The following MACROD2 variants were observed in gnomAD, a reference collection of about 807,000 sequenced individuals.
MACROD2 encodes ADP-ribose glycohydrolase MACROD2.
MACROD2 carries 36 observed loss-of-function variants against 70.4 expected under a neutral mutation model. The observed-to-expected ratio is 0.51, with a 90% CI of 0.39 to 0.68. The LOEUF (loss-of-function observed/expected upper bound fraction) is 0.68, where lower values mean the gene tolerates loss of function less well. MACROD2 is among the 30% of genes least tolerant of loss of function. The pLI, the probability that MACROD2 is intolerant of heterozygous loss-of-function variation, is 0.00. For missense variants in MACROD2, 496 were observed against 538.4 expected, an observed-to-expected ratio of 0.92 and a Z score of 0.78; for synonymous variants, 172 against 178.8, an observed-to-expected ratio of 0.96 and a Z score of 0.30.
chr20:15,121,773 A>G (rs2076032881), intron 5 of MACROD2, among the ~76,000 whole-genome samples: 1 of 152,174 alleles, frequency 6.6e-6, no homozygotes, highest in Non-Finnish European at 1.5e-5. Context: ...GGAGTTGAAC[A>G]TGTTTGGCAT....
chr20:14,473,079 C>A (rs190908574), intron 3 of MACROD2, among the ~76,000 whole-genome samples: 1,689 of 151,966 alleles, frequency 0.011, 19 homozygotes, highest in Non-Finnish European at 0.017. Flanking sequence ...TGGAGTAGAA[C>A]GTGATGTTTC....
intron 10 of MACROD2, among the ~76,000 whole-genome samples, chr20:15,905,556 A>T (rs181595915): frequency 1.3e-5 from 2 of 152,184 alleles, no homozygotes; most frequent in Non-Finnish European, 2.9e-5. Flanking sequence ...CATTAGAGTG[A>T]TTGTTTTCAA....
intron 3 of MACROD2, among the ~76,000 whole-genome samples, chr20:14,157,806 T>C (rs1347008268): frequency 6.6e-6 from 1 of 152,190 alleles, no homozygotes; most frequent in Non-Finnish European, 1.5e-5. Flanking sequence ...ATAGCCACAT[T>C]TTCTTTATCC....
chr20:14,641,591 G>T (rs1985093904), intron 4 of MACROD2, among the ~76,000 whole-genome samples: 2 of 152,120 alleles, frequency 1.3e-5, no homozygotes, highest in Admixed American at 1.3e-4. Flanking sequence ...TGATTGATGG[G>T]CTACAGAATG....
At chr20:15,202,816 T>C (rs1309108054) in intron 5 of MACROD2, among the ~76,000 whole-genome samples, 1 of 152,154 alleles carries the variant, frequency 6.6e-6, no homozygotes, top group Non-Finnish European at 1.5e-5. Flanking sequence ...TATGTCAGTG[T>C]AGACAGAAAG....
intron 3 of MACROD2, among the ~76,000 whole-genome samples, chr20:14,169,152 T>C (rs1455964254): frequency 6.6e-6 from 1 of 152,260 alleles, no homozygotes; most frequent in East Asian, 1.9e-4. Context: ...CAAAATCCAG[T>C]ATCCCTTTAT....
At chr20:14,853,982 G>T (rs1037215837) in intron 5 of MACROD2, among the ~76,000 whole-genome samples, 7 of 152,056 alleles carry the variant, frequency 4.6e-5, no homozygotes, top group African/African-American at 1.7e-4. Flanking sequence ...GTCTGTTAAG[G>T]CAGGTGGGCA....
At chr20:15,051,607 C>T (rs442294) in intron 5 of MACROD2, among the ~76,000 whole-genome samples, 1 of 151,920 alleles carries the variant, frequency 6.6e-6, no homozygotes, top group South Asian at 2.1e-4. Context: ...CAAGTATAAT[C>T]TCCTCCACTT....
intron 8 of MACROD2, among the ~76,000 whole-genome samples, chr20:15,632,859 C>T (rs1350132228): frequency 6.6e-6 from 1 of 150,906 alleles, no homozygotes; most frequent in Non-Finnish European, 1.5e-5. Context: ...CTCTCTTTTC[C>T]TCCTTCCTTT....
chr20:15,585,546 A>G (rs1167883034), intron 8 of MACROD2, among the ~76,000 whole-genome samples: 1 of 152,114 alleles, frequency 6.6e-6, no homozygotes, highest in Non-Finnish European at 1.5e-5. Flanking sequence ...CACAGTGCTC[A>G]GGAATTAACT....
Position 15,463,961 on chromosome 20 carries a change from T to C in MACROD2, c.571+32526T>C, listed in dbSNP as rs942326706. ...GATTGAAGTATCCTAGTCCCTTCTA[T>C]GATTTTAGCCATTCGATGAAGGATC... On this transcript the variant is annotated intron_variant, in intron 7 of 17. Coordinates refer to ENST00000684519, the MANE Select transcript of MACROD2 (RefSeq NM_001351661.2). Among the ~76,000 whole-genome samples the C allele has an allele frequency of 2.6e-5, 4 of 152,170 alleles. No individual in the cohort carries two copies. In the East Asian group the frequency reaches 7.7e-4, roughly 29 times the overall value.
chr20:14,760,506 A>G (rs529607802), intron 5 of MACROD2, among the ~76,000 whole-genome samples: 1 of 152,214 alleles, frequency 6.6e-6, no homozygotes, highest in Admixed American at 6.5e-5. Context: ...ACTATTTATT[A>G]TTACTGAACA....
intron 5 of MACROD2, among the ~76,000 whole-genome samples, chr20:15,155,278 A>G (rs1231754156): frequency 6.6e-6 from 1 of 152,120 alleles, no homozygotes; most frequent in Non-Finnish European, 1.5e-5. Flanking sequence ...TCAAACTCAC[A>G]TAGACTTTAG....
chr20:14,618,521 C>T (rs1983614329), intron 4 of MACROD2, among the ~76,000 whole-genome samples: 1 of 152,154 alleles, frequency 6.6e-6, no homozygotes, highest in Non-Finnish European at 1.5e-5. Flanking sequence ...ATTGTTGGCA[C>T]TCAATCTGTG....
chr20:14,893,156 T>C, intron 5 of MACROD2: 1 of 152,178 alleles, frequency 6.6e-6, no homozygotes, highest in Non-Finnish European at 1.5e-5. Context: ...ATAATATATC[T>C]CTTTGTATGT....
At chr20:15,624,946 T>G (rs907586839) in intron 8 of MACROD2, among the ~76,000 whole-genome samples, 1 of 152,232 alleles carries the variant, frequency 6.6e-6, no homozygotes, top group Non-Finnish European at 1.5e-5. Context: ...TTTTAATATC[T>G]TGTTATTATT....
At chr20:15,185,071 C>T (rs1224053585) in intron 5 of MACROD2, among the ~76,000 whole-genome samples, 1 of 152,170 alleles carries the variant, frequency 6.6e-6, no homozygotes, top group Non-Finnish European at 1.5e-5. Flanking sequence ...TTGTTGATTG[C>T]ATGCACATCT....
At chr20:15,867,808 G>A (rs992754916) in intron 9 of MACROD2, among the ~76,000 whole-genome samples, 8 of 152,096 alleles carry the variant, frequency 5.3e-5, no homozygotes, top group Admixed American at 2.6e-4. Flanking sequence ...GAATCTTGAC[G>A]TTGGAAGCTT....
At chr20:14,807,144 G>A (rs1218089778) in intron 5 of MACROD2, among the ~76,000 whole-genome samples, 6 of 152,136 alleles carry the variant, frequency 3.9e-5, no homozygotes, top group South Asian at 2.1e-4. Context: ...GCCTCCCAAC[G>A]GGGAGACACC....
Sources: allele counts gnomAD v4.1 joint callset (sites outside exome capture counted in the v4.1 genomes callset), GRCh38; gene constraint gnomAD v4.1.1; transcripts MANE v1.5; gene names NCBI Gene and HGNC (gene_info 2026-07-23, HGNC 2026-07-21).